Variants in CAMSAP1 observed in about 807,000 individuals in gnomAD.
The protein encoded by CAMSAP1 is calmodulin regulated spectrin associated protein 1.
In CAMSAP1, 58 loss-of-function variants were observed where a neutral mutation model predicts 143.5. The observed-to-expected ratio is 0.40, with a 90% CI of 0.33 to 0.50. The LOEUF is 0.50. Ranked by LOEUF, CAMSAP1 falls within the 20% of genes least tolerant of loss-of-function variation. The pLI is 0.45. For missense variants in CAMSAP1, 1,969 were observed against 2,115.7 expected, an observed-to-expected ratio of 0.93 and a Z score of 1.36; for synonymous variants, 945 against 859.3, an observed-to-expected ratio of 1.10 and a Z score of -1.74.
Position 135,866,443 on chromosome 9 carries a change from AT to A in CAMSAP1, c.666+12del. ...ACTTAGTGCATTCCAGAAAAATTAA[AT>A]TTACCCTTTACCTTTTGATGAGCTG... On this transcript the variant is annotated intron_variant, in intron 4 of 16. Coordinates refer to ENST00000389532, the MANE Select transcript of CAMSAP1 (RefSeq NM_015447.4). The A allele has an allele frequency of 7.5e-7, 1 of 1,340,718 alleles. No individual in the cohort carries two copies. Among genetic ancestry groups the A allele is most frequent in the Non-Finnish European group, 1.0e-6 (1 of 955,868 alleles). 83.1% of individuals were successfully genotyped at this position (1,340,718 alleles called of 1,614,324 possible).
At chr9:135,890,409 G>C (rs538224990) in intron 1 of CAMSAP1, among the ~76,000 whole-genome samples, 2 of 152,122 alleles carry the variant, frequency 1.3e-5, no homozygotes, top group Admixed American at 1.3e-4. Flanking sequence ...CAGAGAACCC[G>C]TCCCTCTTCC....
chr9:135,892,199 G>A (rs1002075178), intron 1 of CAMSAP1, among the ~76,000 whole-genome samples: 3 of 152,120 alleles, frequency 2.0e-5, no homozygotes, highest in Non-Finnish European at 4.4e-5. Context: ...AAAGAAAACC[G>A]TGTGCAGACA....
rs756253091 is a variant in CAMSAP1 at position 135,821,047 on chromosome 9, A to G, written c.3614T>C (p.Val1205Ala). 4 of 1,613,914 alleles carry G rather than the reference A, an allele frequency of 2.5e-6. No individual in the cohort carries two copies. The highest frequency in any genetic ancestry group is 3.4e-6 in the Non-Finnish European group (4 of 1,179,854). The change falls in exon 11 of 17, where the codon GTG becomes GCG. Residue 1205 changes from valine to alanine, a missense_variant. Transcript: ENST00000389532. The surrounding 1 kb of genome is among the most constrained non-coding windows in gnomAD (Gnocchi z 4.6). ...TGAGGAGCTGGACCCCACCTCCTTC[A>G]CACTCGCATCCAGAACTTCTTTGAG... ...MSLKEVLDAS[V>A]KEVGSSSSDV...
rs1294392402 is a variant in CAMSAP1 at position 135,907,216 on chromosome 9, C to T, written c.-57G>A. 1 of 1,016,794 alleles carries T rather than the reference C, an allele frequency of 9.8e-7. No homozygotes were observed. Among genetic ancestry groups the T allele is most frequent in the Non-Finnish European group, 1.2e-6 (1 of 846,672 alleles). 63.0% of individuals were successfully genotyped at this position (1,016,794 alleles called of 1,614,324 possible). A position where few individuals can be genotyped will look rare whatever the true frequency, so the allele number is the denominator to read the frequency against. On this transcript the variant is annotated 5_prime_UTR_variant, in exon 1 of 17. Coordinates refer to ENST00000389532, the MANE Select transcript of CAMSAP1 (RefSeq NM_015447.4). ...CCGCAACAAAGGCGCCGCCGCCCCT[C>T]GCCGCGCCGGGCCCGGTGCGCCCCG...
rs971195796 is a variant in CAMSAP1 at position 135,810,678 on chromosome 9, T to C, written c.*631A>G. On this transcript the variant is annotated 3_prime_UTR_variant, in exon 17 of 17. Transcript: ENST00000389532. Reference sequence around the variant, plus strand: ...GTGAACTGGTGTTTTCCGTAAACTTTTTCTGAGCAGCAAGGGATAAGAATT... The same window carrying C: ...GTGAACTGGTGTTTTCCGTAAACTTCTTCTGAGCAGCAAGGGATAAGAATT... 3.3e-5 allele frequency: 5 copies of C among 152,708 alleles called. No homozygotes were observed. Among genetic ancestry groups the C allele is most frequent in the African/African-American group, 1.2e-4 (5 of 41,454 alleles). 9.5% of individuals were successfully genotyped at this position (152,708 alleles called of 1,614,324 possible). A position where few individuals can be genotyped will look rare whatever the true frequency, so the allele number is the denominator to read the frequency against.
At position 135,818,507 on chromosome 9, in the gene CAMSAP1, C is replaced by G. The variant is rs1835325439; in HGVS notation, c.4069G>C (p.Gly1357Arg). The stretch of plus-strand genomic sequence containing the variant: ...GGCTTTGACTTGGGCTTGCCGAGCC[C>G]CTGCTCCTCTAGGATCTGCTGCTGC... ...RKQQQILEEQ[G>R]LGKPKSKPKK... is the part of the protein sequence containing the mutation. Residue 1357 changes from glycine to arginine, a missense_variant, in exon 13 of 17, where the codon GGG (glycine) becomes CGG (arginine). By Grantham distance (125) the Gly-to-Arg change is moderately radical. This residue lies in a region of CAMSAP1 where 1,390 missense variants were observed against 1,420.8 expected (regional missense o/e 0.98). Transcript: ENST00000389532. The surrounding 1 kb of genome is among the most constrained non-coding windows in gnomAD (Gnocchi z 7.7). The G allele has an allele frequency of 6.2e-7, 1 of 1,611,482 alleles. No individual in the cohort carries two copies. Among genetic ancestry groups the G allele is most frequent in the East Asian group, 2.2e-5 (1 of 44,888 alleles).
chr9:135,900,322 C>T (rs1292744197), intron 1 of CAMSAP1, among the ~76,000 whole-genome samples: 4 of 152,074 alleles, frequency 2.6e-5, no homozygotes, highest in African/African-American at 7.2e-5. Flanking sequence ...CACACTCCAC[C>T]CCCAGATATA....
intron 7 of CAMSAP1, among the ~76,000 whole-genome samples, chr9:135,845,397 G>T (rs977076034): frequency 6.6e-6 from 1 of 152,036 alleles, no homozygotes; most frequent in African/African-American, 2.4e-5. Flanking sequence ...TAGACAAACC[G>T]ACAGCCAACA....
At chr9:135,902,343 A>G (rs764905009) in intron 1 of CAMSAP1, among the ~76,000 whole-genome samples, 1 of 152,244 alleles carries the variant, frequency 6.6e-6, no homozygotes, top group Admixed American at 6.5e-5. Context: ...GTGTGCTGCC[A>G]TCAAGAGCAG....
chr9:135,856,472 G>C (rs1306103144), intron 5 of CAMSAP1, among the ~76,000 whole-genome samples: 1 of 152,140 alleles, frequency 6.6e-6, no homozygotes, highest in East Asian at 1.9e-4. Flanking sequence ...GATTTAGGTA[G>C]GGACACAGAG....
chr9:135,812,274 T>C (rs542169025), intron 16 of CAMSAP1, among the ~76,000 whole-genome samples: 1 of 152,230 alleles, frequency 6.6e-6, no homozygotes, highest in South Asian at 2.1e-4. Context: ...CAAGTGTGCA[T>C]CAGCAGATGA....
At chr9:135,879,731 C>T (rs773142273) in intron 3 of CAMSAP1, among the ~76,000 whole-genome samples, 1 of 151,860 alleles carries the variant, frequency 6.6e-6, no homozygotes, top group Non-Finnish European at 1.5e-5. Context: ...CTCGCAGGAA[C>T]GTGGCCTGAG....
intron 1 of CAMSAP1, among the ~76,000 whole-genome samples, chr9:135,898,680 CTACT>C (rs1338631758): frequency 6.6e-6 from 1 of 152,132 alleles, no homozygotes; most frequent in Non-Finnish European, 1.5e-5. Context: ...TACAACCCAC[CTACT>C]TACATAACTA....
intron 16 of CAMSAP1, among the ~76,000 whole-genome samples, chr9:135,813,930 T>C (rs546073148): frequency 2.0e-5 from 3 of 152,336 alleles, no homozygotes; most frequent in Non-Finnish European, 4.4e-5. Flanking sequence ...CAGAGGGAGC[T>C]GCACAAGGCC....
At chr9:135,831,480 T>TA (rs57460163) in intron 7 of CAMSAP1, among the ~76,000 whole-genome samples, 484 of 136,902 alleles carry the variant, frequency 3.5e-3, no homozygotes, top group African/African-American at 7.7e-3. Flanking sequence ...TTTTTTTAAT[T>TA]AAAAAAAAAA....
intron 1 of CAMSAP1, among the ~76,000 whole-genome samples, chr9:135,891,039 G>T (rs921477431): frequency 1.4e-4 from 21 of 152,224 alleles, no homozygotes; most frequent in African/African-American, 4.6e-4. Context: ...CAAAACAGGG[G>T]ACTCCTCAGG....
rs990538191 is a variant in CAMSAP1 at position 135,823,417 on chromosome 9, G to A, written c.1401-157C>T. Among the ~76,000 whole-genome samples the A allele has an allele frequency of 2.0e-5, 3 of 152,208 alleles. No homozygotes were observed. The East Asian group carries it at 5.8e-4, about 29-fold the overall frequency. ...TTCCACAGAGCAGAAGAAAATCAGA[G>A]ATAATTTCAGCTTTGTGATTCTCAA... On this transcript the variant is annotated intron_variant, in intron 10 of 16. Coordinates refer to ENST00000389532, the MANE Select transcript of CAMSAP1 (RefSeq NM_015447.4).
In CAMSAP1 at chr9:135,823,186, C is replaced by G. The variant is rs375163193; in HGVS notation, c.1475G>C (p.Ser492Thr). 2 of 1,598,244 alleles carry G rather than the reference C, an allele frequency of 1.3e-6. No individual in the cohort carries two copies. The highest frequency in any genetic ancestry group is 2.7e-5 in the African/African-American group (2 of 74,562). Residue 492 changes from serine to threonine, a missense_variant, in exon 11 of 17, where the codon AGC becomes ACC. Transcript: ENST00000389532. ...SCEVDPSSGD[S>T]ISLARSISKD... ...GCTGATGGAGCGGGCCAAGCTGATG[C>G]TGTCGCCAGAGCTGGGATCCACTTC...
At position 135,850,369 on chromosome 9, in the gene CAMSAP1, A is replaced by C. The variant is rs1836730400; in HGVS notation, c.901T>G (p.Phe301Val). 1 of 1,611,020 alleles carries C rather than the reference A, an allele frequency of 6.2e-7. No individual in the cohort carries two copies. Among genetic ancestry groups the C allele is most frequent in the African/African-American group, 1.3e-5 (1 of 74,734 alleles). ...AGCATATCTTCCAAGGTGAGATAAA[A>C]ACATTTATTAAGATATTCATTGGAG... The part of the protein sequence containing the change: ...EFSNEYLNKC[F>V]YLTLEDMLYA... Residue 301 changes from phenylalanine (F) to valine (V), a missense_variant, in exon 6 of 17, where the codon TTT (phenylalanine) becomes GTT (valine). Phe to Val is a conservative substitution (Grantham distance 50, BLOSUM62 -1). This residue lies in a region of CAMSAP1 where 221 missense variants were observed against 298.2 expected (regional missense o/e 0.74). Coordinates refer to ENST00000389532, the MANE Select transcript of CAMSAP1 (RefSeq NM_015447.4).
Sources: gnomAD v4.1 joint callset for allele counts (sites outside exome capture counted in the v4.1 genomes callset) on GRCh38, gnomAD v4.1.1 for gene constraint, gnomAD v4.1.1 regional missense constraint, Gnocchi (gnomAD v3.1) non-coding constraint, MANE v1.5 for transcripts, NCBI Gene and HGNC (gene_info 2026-07-23, HGNC 2026-07-21) for gene names.